FRMD6: variants seen among roughly 807,000 people sequenced by gnomAD.
The protein encoded by FRMD6 is FERM domain-containing protein 6.
FRMD6 carries 37 observed loss-of-function variants against 73.2 expected under a neutral mutation model. The ratio of observed to expected loss-of-function variants is 0.51; its 90% CI spans 0.39 to 0.66. The LOEUF (loss-of-function observed/expected upper bound fraction) is 0.66. FRMD6 is among the 30% of genes least tolerant of loss of function. The pLI, the probability that FRMD6 is intolerant of heterozygous loss-of-function variation, is 0.00. For synonymous variants in FRMD6, 273 were observed against 282.2 expected (o/e 0.97, Z 0.33); for missense variants, 714 against 780.5 (o/e 0.91, Z 1.02).
At chr14:51,419,082 C>G in the FRMD6 span, among the ~76,000 whole-genome samples, 2 of 152,224 alleles carry the variant, frequency 1.3e-5, no homozygotes, top group Non-Finnish European at 2.9e-5. Context: ...GGTACCATCT[C>G]TCATGGCTTC....
intron 2 of FRMD6, among the ~76,000 whole-genome samples, chr14:51,624,647 A>G (rs536910540): frequency 6.6e-6 from 1 of 152,286 alleles, no homozygotes; most frequent in Non-Finnish European, 1.5e-5. Flanking sequence ...GGCCTCTGTA[A>G]GGCTCTGCTT....
At chr14:51,507,978 C>T (rs1380425801) in intron 1 of FRMD6, among the ~76,000 whole-genome samples, 2 of 152,158 alleles carry the variant, frequency 1.3e-5, no homozygotes, top group Non-Finnish European at 2.9e-5. Context: ...ATGGCATGAT[C>T]CCTTACCTGA....
At chr14:51,430,789 T>G in the FRMD6 span, among the ~76,000 whole-genome samples, 1 of 152,192 alleles carries the variant, frequency 6.6e-6, no homozygotes, top group Non-Finnish European at 1.5e-5. Flanking sequence ...GCATTACCAT[T>G]TGTATTCAAG....
intron 1 of FRMD6, chr14:51,570,203 A>T (rs138750999): frequency 6.6e-6 from 1 of 152,292 alleles, no homozygotes; most frequent in African/African-American, 2.4e-5. Context: ...AAATTTGTTC[A>T]AGTTGCTAAT....
At chr14:51,600,485 C>T (rs1889978846) in intron 2 of FRMD6, among the ~76,000 whole-genome samples, 1 of 152,220 alleles carries the variant, frequency 6.6e-6, no homozygotes, top group East Asian at 1.9e-4. Flanking sequence ...ATATTTAACA[C>T]ACACTGGCAT....
chr14:51,525,860 G>A (rs977445024), intron 1 of FRMD6, among the ~76,000 whole-genome samples: 1 of 152,080 alleles, frequency 6.6e-6, no homozygotes, highest in Admixed American at 6.5e-5. Flanking sequence ...CCACTGTGAG[G>A]CACAGACTCT....
intron 2 of FRMD6, among the ~76,000 whole-genome samples, chr14:51,607,083 TC>T (rs1890291028): frequency 1.3e-5 from 2 of 151,882 alleles, no homozygotes; most frequent in African/African-American, 4.8e-5. Flanking sequence ...CCCCCACTAC[TC>T]CCCTGAGGCC....
At chr14:51,685,845 CAAAT>C (rs1895112815) in intron 1 of FRMD6, among the ~76,000 whole-genome samples, 1 of 152,154 alleles carries the variant, frequency 6.6e-6, no homozygotes, top group African/African-American at 2.4e-5. Context: ...TGCTTTTCAG[CAAAT>C]AAATATTACC....
the FRMD6 span, among the ~76,000 whole-genome samples, chr14:51,415,773 C>T: frequency 6.6e-6 from 1 of 152,128 alleles, no homozygotes; most frequent in Non-Finnish European, 1.5e-5. Context: ...GCTGTGAATC[C>T]ATCTGGTCCT....
chr14:51,671,172 C>T (rs1254137931), intron 1 of FRMD6, among the ~76,000 whole-genome samples: 1 of 152,016 alleles, frequency 6.6e-6, no homozygotes, highest in Non-Finnish European at 1.5e-5. Context: ...TTAGGAATCT[C>T]GTGTCTATGT....
At chr14:51,596,893 G>A (rs1292229912) in intron 2 of FRMD6, among the ~76,000 whole-genome samples, 6 of 152,192 alleles carry the variant, frequency 3.9e-5, no homozygotes, top group African/African-American at 7.2e-5. Context: ...TGTATACGTG[G>A]GGTCCTCAGA....
chr14:51,544,696 T>C (rs1886373292), intron 1 of FRMD6, among the ~76,000 whole-genome samples: 1 of 152,042 alleles, frequency 6.6e-6, no homozygotes, highest in African/African-American at 2.4e-5. Flanking sequence ...TTAATCAATT[T>C]TACTTTGTTG....
At chr14:51,501,419 C>G (rs141337138) in intron 1 of FRMD6, among the ~76,000 whole-genome samples, 1 of 152,200 alleles carries the variant, frequency 6.6e-6, no homozygotes, top group African/African-American at 2.4e-5. Flanking sequence ...CACCATGTGC[C>G]CATGCATTCT....
chr14:51,533,152 G>A (rs1006529936), intron 1 of FRMD6, among the ~76,000 whole-genome samples: 1 of 152,204 alleles, frequency 6.6e-6, no homozygotes, highest in African/African-American at 2.4e-5. Context: ...ATGACAAAGA[G>A]AGGACCATTC....
chr14:51,512,691 C>T, intron 1 of FRMD6, among the ~76,000 whole-genome samples: 1 of 152,052 alleles, frequency 6.6e-6, no homozygotes, highest in South Asian at 2.1e-4. Flanking sequence ...GTTCTAGCAG[C>T]TGTGGAGGAG....
the FRMD6 span, among the ~76,000 whole-genome samples, chr14:51,418,249 T>A: frequency 6.6e-6 from 1 of 152,216 alleles, no homozygotes; most frequent in Non-Finnish European, 1.5e-5. Context: ...GTTTTTAGAA[T>A]TTTCAGCTTT....
the FRMD6 span, among the ~76,000 whole-genome samples, chr14:51,405,050 G>A: frequency 1.8e-4 from 27 of 152,178 alleles, 1 homozygote; most frequent in Admixed American, 1.2e-3. Flanking sequence ...CCCTGCCTTC[G>A]TTTGCTAAGG....
chr14:51,590,955 A>G (rs1004521868), intron 2 of FRMD6, among the ~76,000 whole-genome samples: 13 of 152,130 alleles, frequency 8.5e-5, no homozygotes, highest in African/African-American at 2.9e-4. Flanking sequence ...TTCAAATGAA[A>G]CCTGCTCAGC....
At chr14:51,420,830 A>G in the FRMD6 span, among the ~76,000 whole-genome samples, 1,961 of 152,284 alleles carry the variant, frequency 0.013, 42 homozygotes, top group African/African-American at 0.045. Context: ...ACTGGAGTGC[A>G]GTGGCACAAT....
Sources: allele counts gnomAD v4.1 joint callset (sites outside exome capture counted in the v4.1 genomes callset), GRCh38; gene constraint gnomAD v4.1.1; transcripts MANE v1.5; gene names NCBI Gene and HGNC (gene_info 2026-07-23, HGNC 2026-07-21).